Variants in COL22A1 observed in about 807,000 individuals in gnomAD.
COL22A1 encodes collagen alpha-1(XXII) chain.
COL22A1 carries 221 observed loss-of-function variants against 248.9 expected under a neutral mutation model. That is an observed-to-expected ratio of 0.89 (90% CI 0.80 to 0.99). The LOEUF is 0.99. COL22A1 is among the 50% of genes least tolerant of loss of function. The pLI is 0.00. For missense variants in COL22A1, 2,240 were observed against 2,179.0 expected, an observed-to-expected ratio of 1.03 and a Z score of -0.56; for synonymous variants, 891 against 793.4, an observed-to-expected ratio of 1.12 and a Z score of -2.07.
intron 27 of COL22A1, among the ~76,000 whole-genome samples, chr8:138,717,450 A>T (rs1163137549): frequency 1.3e-5 from 2 of 152,004 alleles, no homozygotes; most frequent in Non-Finnish European, 1.5e-5. Context: ...CCCGGCCAGA[A>T]TTTATTTTTT....
intron 22 of COL22A1, among the ~76,000 whole-genome samples, chr8:138,741,802 T>C (rs1235749979): frequency 6.6e-6 from 1 of 152,236 alleles, no homozygotes; most frequent in African/African-American, 2.4e-5. Context: ...GTTATGGTGA[T>C]GACAATGGTA....
intron 45 of COL22A1, among the ~76,000 whole-genome samples, chr8:138,653,463 A>G (rs1178491744): frequency 6.6e-6 from 1 of 152,208 alleles, no homozygotes; most frequent in East Asian, 1.9e-4. Flanking sequence ...TGATTTGAAC[A>G]AGTGTCTTGC....
At chr8:138,744,866 G>T (rs193138952) in intron 22 of COL22A1, among the ~76,000 whole-genome samples, 1 of 152,294 alleles carries the variant, frequency 6.6e-6, no homozygotes, top group Admixed American at 6.5e-5. Flanking sequence ...AACCCCATGA[G>T]ATGGGTGGGG....
Position 138,610,449 on chromosome 8 carries a change from C to T in COL22A1, c.3979-2460G>A, listed in dbSNP as rs555463352. Among the ~76,000 whole-genome samples, 16 of 152,332 alleles carry T rather than the reference C, an allele frequency of 1.1e-4. No individual in the cohort carries two copies. In the East Asian group the frequency reaches 2.5e-3, roughly 24 times the overall value. On this transcript the variant is annotated intron_variant, in intron 56 of 64. Transcript: ENST00000303045. ...AAAGTTGTGTGACCTTGCCAGAATC[C>T]TTCTCCTCGCTCAGAAAAGCACAGA...
intron 12 of COL22A1, 117 bp downstream of exon 12, chr8:138,796,702 C>A (rs1816568984): frequency 8.9e-6 from 7 of 782,292 alleles, no homozygotes; most frequent in Non-Finnish European, 1.6e-5. Flanking sequence ...GCCCAGGACA[C>A]CTCTTTTCCC....
chr8:138,718,182 G>T (rs944944579), intron 27 of COL22A1, among the ~76,000 whole-genome samples: 1 of 152,062 alleles, frequency 6.6e-6, no homozygotes, highest in Non-Finnish European at 1.5e-5. Flanking sequence ...ATCCTGTAGC[G>T]CTGGTGTCAC....
At chr8:138,602,081 C>A in intron 60 of COL22A1, 34 bp downstream of exon 60, 1 of 1,613,520 alleles carries the variant, frequency 6.2e-7, no homozygotes, top group Non-Finnish European at 8.5e-7. Context: ...AGGTCGCGTT[C>A]GGCGTGTTCA....
chr8:138,901,156 AG>A (rs1814519192), intron 1 of COL22A1, among the ~76,000 whole-genome samples: 1 of 150,668 alleles, frequency 6.6e-6, no homozygotes, highest in Admixed American at 6.6e-5. Context: ...TTTCATTAAA[AG>A]CACCACTGCT....
At chr8:138,875,919 C>T (rs907018979) in intron 3 of COL22A1, among the ~76,000 whole-genome samples, 1 of 152,324 alleles carries the variant, frequency 6.6e-6, no homozygotes, top group African/African-American at 2.4e-5. Context: ...TTCTGGGCAT[C>T]GATTTCCACC....
At chr8:138,844,475 G>A (rs577705083) in intron 3 of COL22A1, among the ~76,000 whole-genome samples, 2 of 152,306 alleles carry the variant, frequency 1.3e-5, no homozygotes, top group Admixed American at 6.5e-5. Flanking sequence ...ACAACATAGC[G>A]GAATAAGTTG....
intron 23 of COL22A1, among the ~76,000 whole-genome samples, chr8:138,733,431 G>A (rs139281444): frequency 1.8e-3 from 267 of 152,266 alleles, no homozygotes; most frequent in African/African-American, 6.1e-3. Flanking sequence ...TTCCCATAAC[G>A]CAAAGCTAAT....
At chr8:138,851,657 G>A (rs1338131071) in intron 3 of COL22A1, among the ~76,000 whole-genome samples, 1 of 152,190 alleles carries the variant, frequency 6.6e-6, no homozygotes, top group Non-Finnish European at 1.5e-5. Context: ...AGGATGGGGA[G>A]GAGATGGAGG....
At chr8:138,600,650 C>G (rs1037508785) in intron 60 of COL22A1, among the ~76,000 whole-genome samples, 1 of 152,344 alleles carries the variant, frequency 6.6e-6, no homozygotes, top group South Asian at 2.1e-4. Context: ...ATTGCATTCA[C>G]TTGTCCTGCA....
At chr8:138,799,087 T>A (rs1016024270) in intron 11 of COL22A1, among the ~76,000 whole-genome samples, 1 of 152,214 alleles carries the variant, frequency 6.6e-6, no homozygotes, top group Admixed American at 6.5e-5. Flanking sequence ...AGAATTCTGA[T>A]CTTTCTTTTG....
intron 16 of COL22A1, 143 bp from the exon 17 acceptor site, chr8:138,762,609 C>CACACACACA (rs35492380): frequency 0.054 from 34,232 of 634,480 alleles, 524 homozygotes; most frequent in Non-Finnish European, 0.068. Flanking sequence ...CACACACACA[C>CACACACACA]AACAGCCCTA....
chr8:138,873,394 CG>C (rs1563870719), intron 3 of COL22A1, among the ~76,000 whole-genome samples: 3 of 152,094 alleles, frequency 2.0e-5, no homozygotes, highest in Non-Finnish European at 2.9e-5. Flanking sequence ...ACTTCTAATG[CG>C]CACATCACAA....
intron 49 of COL22A1, among the ~76,000 whole-genome samples, chr8:138,631,747 G>A (rs1820738065): frequency 6.6e-6 from 1 of 152,066 alleles, no homozygotes; most frequent in African/African-American, 2.4e-5. Flanking sequence ...CAGCTTCTCA[G>A]TGAAAGGTTT....
intron 37 of COL22A1, among the ~76,000 whole-genome samples, chr8:138,688,052 C>T (rs561593746): frequency 3.9e-5 from 6 of 152,318 alleles, no homozygotes; most frequent in South Asian, 2.1e-4. Flanking sequence ...CAAATGAGTA[C>T]GTCTGATTTC....
At chr8:138,655,969 A>T (rs563932490) in intron 44 of COL22A1, 25 bp from the exon 45 acceptor site, 1 of 1,565,792 alleles carries the variant, frequency 6.4e-7, no homozygotes, top group Admixed American at 1.7e-5. Context: ...AGAAACAAAC[A>T]CATACGTACA....
Sources: gnomAD v4.1 joint callset for allele counts (sites outside exome capture counted in the v4.1 genomes callset) on GRCh38, gnomAD v4.1.1 for gene constraint, MANE v1.5 for transcripts, NCBI Gene and HGNC (gene_info 2026-07-23, HGNC 2026-07-21) for gene names.